The following QDPR variants were observed in gnomAD, a reference collection of about 807,000 sequenced individuals.
QDPR encodes dihydropteridine reductase.
In QDPR, 23 loss-of-function variants were observed where a neutral mutation model predicts 31.7. The observed-to-expected ratio is 0.73, with a 90% CI of 0.52 to 1.03. QDPR has a LOEUF of 1.03. Among genes scored for constraint, QDPR ranks in the 50% least tolerant of loss-of-function variants. QDPR has a pLI of 0.00. For synonymous variants in QDPR, 124 were observed against 124.7 expected (o/e 0.99, Z 0.03); for missense variants, 324 against 323.8 (o/e 1.00, Z 0.00).
In QDPR at chr4:17,487,252, A is replaced by G. The variant is rs1220602969; in HGVS notation, c.630-16T>C. 3 of 1,610,478 alleles carry G rather than the reference A, an allele frequency of 1.9e-6. No individual in the cohort carries two copies. Among genetic ancestry groups the G allele is most frequent in the Middle Eastern group, 1.6e-4 (1 of 6,068 alleles). On this transcript the variant is annotated splice_polypyrimidine_tract_variant and intron_variant, in intron 6 of 6. Transcript: ENST00000281243. ...ATGGAAAGTTCTGGAACAGAAAATA[A>G]AAGTTTTTTTTATATTCTCAAAGCA...
chr4:17,507,061 C>T (rs1718812403), intron 2 of QDPR, among the ~76,000 whole-genome samples: 1 of 152,160 alleles, frequency 6.6e-6, no homozygotes, highest in Non-Finnish European at 1.5e-5. Flanking sequence ...ATACATGCAT[C>T]ACTTCTAAAA....
intron 4 of QDPR, among the ~76,000 whole-genome samples, chr4:17,494,864 T>A (rs1200365641): frequency 6.6e-6 from 1 of 151,728 alleles, no homozygotes; most frequent in Non-Finnish European, 1.5e-5. Context: ...TCAGTGGGAG[T>A]GGTAACTCAG....
At chr4:17,496,244 A>T (rs1026823167) in intron 4 of QDPR, among the ~76,000 whole-genome samples, 4 of 151,724 alleles carry the variant, frequency 2.6e-5, no homozygotes, top group Non-Finnish European at 5.9e-5. Flanking sequence ...TCAGAAGTTC[A>T]AGACCAGCCT....
At chr4:17,490,508 C>T (rs1305615501) in intron 6 of QDPR, 154 bp downstream of exon 6, 5 of 659,604 alleles carry the variant, frequency 7.6e-6, no homozygotes, top group African/African-American at 1.8e-5. Flanking sequence ...TCTGAGATTC[C>T]GTCTGATGTG....
At chr4:17,502,682 G>A (rs969013770) in intron 3 of QDPR, among the ~76,000 whole-genome samples, 1 of 152,186 alleles carries the variant, frequency 6.6e-6, no homozygotes, top group African/African-American at 2.4e-5. Context: ...GAATGTCAAC[G>A]TCTTTTTAAA....
chr4:17,487,322 T>C, intron 6 of QDPR, 86 bp from the exon 7 acceptor site: 3 of 646,430 alleles, frequency 4.6e-6, no homozygotes, highest in Non-Finnish European at 5.1e-6. Context: ...GCTTGTGGGG[T>C]GGGGGGAAGG....
intron 1 of QDPR, among the ~76,000 whole-genome samples, chr4:17,511,318 C>G (rs1187669018): frequency 6.6e-6 from 1 of 152,208 alleles, no homozygotes; most frequent in Non-Finnish European, 1.5e-5. Flanking sequence ...TTGAAATAGT[C>G]TTTGCAGAGC....
chr4:17,487,366 A>T (rs1718001811), intron 6 of QDPR, 130 bp from the exon 7 acceptor site: 2 of 737,058 alleles, frequency 2.7e-6, no homozygotes, highest in Admixed American at 2.1e-5. Context: ...AAAGCCACTA[A>T]GGGCTGGGCG....
At chr4:17,497,418 C>A (rs1028915049) in intron 4 of QDPR, among the ~76,000 whole-genome samples, 2 of 151,972 alleles carry the variant, frequency 1.3e-5, no homozygotes, top group African/African-American at 2.4e-5. Flanking sequence ...GACTCACCCC[C>A]ACCAAGAGCA....
chr4:17,490,303 CTG>C, intron 6 of QDPR: 1 of 336,928 alleles, frequency 3.0e-6, no homozygotes, highest in Non-Finnish European at 5.9e-6. Context: ...TGGCCAGACA[CTG>C]TGTTGAGTGC....
chr4:17,505,628 G>A (rs1364616575), intron 2 of QDPR, among the ~76,000 whole-genome samples: 4 of 152,192 alleles, frequency 2.6e-5, no homozygotes, highest in Non-Finnish European at 5.9e-5. Context: ...GAGGCAGAAG[G>A]ATCACTTGAG....
rs376834004 is a variant in QDPR, at chr4:17,488,948, C to T, written c.630-1712G>A. On this transcript the variant is annotated intron_variant, in intron 6 of 6. Coordinates refer to ENST00000281243, the MANE Select transcript of QDPR (RefSeq NM_000320.3). ...GGAAGGCTCTGAAAGAGACCAGTGC[C>T]GTTTGGTTGTGTAGGGTTTTGTGTG... 5.3e-5 allele frequency among the ~76,000 whole-genome samples: 8 copies of T among 152,258 alleles called. No homozygotes were observed. In the South Asian group the frequency reaches 6.2e-4, roughly 12 times the overall value.
intron 1 of QDPR, among the ~76,000 whole-genome samples, chr4:17,510,325 T>C (rs1718961617): frequency 6.6e-6 from 1 of 152,138 alleles, no homozygotes; most frequent in Non-Finnish European, 1.5e-5. Flanking sequence ...CAAAAGAGGT[T>C]GTTTGTTGAT....
At chr4:17,490,548 C>A in intron 6 of QDPR, 114 bp downstream of exon 6, 1 of 881,182 alleles carries the variant, frequency 1.1e-6, no homozygotes, top group South Asian at 1.4e-5. Context: ...CAGAGACCTC[C>A]CAAGACCACC....
intron 6 of QDPR, among the ~76,000 whole-genome samples, chr4:17,487,546 T>A (rs1054947569): frequency 3.9e-5 from 6 of 152,092 alleles, no homozygotes; most frequent in African/African-American, 1.5e-4. Flanking sequence ...CTCAGGAGGC[T>A]GAGGAAGTAG....
Position 17,487,256 on chromosome 4 carries a change from T to A in QDPR, c.630-20A>T, listed in dbSNP as rs769294923. The A allele has an allele frequency of 2.0e-5, 32 of 1,596,970 alleles. No homozygotes were observed. Among genetic ancestry groups the A allele is most frequent in the South Asian group, 1.5e-4 (14 of 90,706 alleles). On this transcript the variant is annotated intron_variant, in intron 6 of 6. Coordinates refer to ENST00000281243, the MANE Select transcript of QDPR (RefSeq NM_000320.3). ...AAAGTTCTGGAACAGAAAATAAAAG[T>A]TTTTTTTATATTCTCAAAGCAAAAA...
In QDPR at chr4:17,509,420, G is replaced by A. The variant is rs1214958623; in HGVS notation, c.106-57C>T. ...CAGTGAGTTGTTATTCCATGAAAGA[G>A]TCACACATAGAAATGAGGGGAGTTG... On this transcript the variant is annotated intron_variant, in intron 1 of 6. Transcript: ENST00000281243. 20 of 1,478,230 alleles carry A rather than the reference G, an allele frequency of 1.4e-5. No individual in the cohort carries two copies. The East Asian group carries it at 4.1e-4, about 30-fold the overall frequency. The allele number at this position is 1,478,230 out of a possible 1,614,324, so 91.6% of individuals were successfully genotyped here. A position where few individuals can be genotyped will look rare whatever the true frequency, so the allele number is the denominator to read the frequency against.
rs1382547949 is a variant in QDPR at position 17,489,287 on chromosome 4, T to C, written c.629+1375A>G. Among the ~76,000 whole-genome samples the C allele has an allele frequency of 2.0e-5, 3 of 152,198 alleles. No individual in the cohort carries two copies. In the East Asian group the frequency reaches 5.8e-4, roughly 29 times the overall value. On this transcript the variant is annotated intron_variant, in intron 6 of 6. Coordinates refer to ENST00000281243, the MANE Select transcript of QDPR (RefSeq NM_000320.3). ...GATCTCTAGAACAAAAGGGGGCCTG[T>C]GACAGCCCGTCCTCTGTGGGTCTGT...
In QDPR at chr4:17,492,767, T is replaced by C. The variant is rs185481553; in HGVS notation, c.437-427A>G. Among the ~76,000 whole-genome samples the C allele has an allele frequency of 4.6e-5, 7 of 152,348 alleles. No homozygotes were observed. The East Asian group carries it at 1.4e-3, about 29-fold the overall frequency. ...AAAGCCAGAAGGTTGATCTTATTTT[T>C]ATTCTTAGGAAACCAAGACTCAAGA... On this transcript the variant is annotated intron_variant, in intron 4 of 6. Coordinates refer to ENST00000281243, the MANE Select transcript of QDPR (RefSeq NM_000320.3).
Sources: allele counts gnomAD v4.1 joint callset (sites outside exome capture counted in the v4.1 genomes callset), GRCh38; gene constraint gnomAD v4.1.1; transcripts MANE v1.5; gene names NCBI Gene and HGNC (gene_info 2026-07-23, HGNC 2026-07-21).